DIP2C: variants seen among roughly 807,000 people sequenced by gnomAD.
The protein encoded by DIP2C is disco-interacting protein 2 homolog C.
Under a neutral mutation model 192.4 loss-of-function variants are expected in DIP2C, and 33 were observed. The ratio of observed to expected loss-of-function variants is 0.17; its 90% CI spans 0.13 to 0.23. The LOEUF is 0.23. Ranked by LOEUF, DIP2C falls within the 10% of genes least tolerant of loss-of-function variation. DIP2C has a pLI of 1.00. For synonymous variants in DIP2C, 979 were observed against 864.1 expected (o/e 1.13, Z -2.33); for missense variants, 1,537 against 2,110.1 (o/e 0.73, Z 5.32).
chr10:460,811 T>G (rs933574396), intron 3 of DIP2C, among the ~76,000 whole-genome samples: 3 of 152,026 alleles, frequency 2.0e-5, no homozygotes, highest in Non-Finnish European at 4.4e-5. Flanking sequence ...GAGAGAAAGG[T>G]AGGGTTACCC....
At position 374,830 on chromosome 10, in the gene DIP2C, A is replaced by G. The variant is rs567317837; in HGVS notation, c.1992-5197T>C. ...ATAGGCAGAATTCGAGGGGGTTTAA[A>G]AAACATCCACCTTAATAATCAATAT... is the stretch of plus-strand genomic sequence containing the variant. On this transcript the variant is annotated intron_variant, in intron 17 of 36. Transcript: ENST00000280886. Among the ~76,000 whole-genome samples, 30 of 152,346 alleles carry G rather than the reference A, an allele frequency of 2.0e-4. No homozygotes were observed. The South Asian group carries it at 3.7e-3, about 19-fold the overall frequency.
In DIP2C at chr10:358,131, C is replaced by T. The variant is rs1589597714; in HGVS notation, c.2795-194G>A. ...GAGTGTAACAAGCCTTGGTCAGGTT[C>T]TTCAGAAACGATGTTTTTATCATCC... On this transcript the variant is annotated intron_variant, in intron 22 of 36. Coordinates refer to ENST00000280886, the MANE Select transcript of DIP2C (RefSeq NM_014974.3). 4.6e-5 allele frequency among the ~76,000 whole-genome samples: 7 copies of T among 152,286 alleles called. No individual in the cohort carries two copies. The East Asian group carries it at 1.4e-3, about 29-fold the overall frequency.
intron 29 of DIP2C, among the ~76,000 whole-genome samples, chr10:332,573 C>T (rs1234753213): frequency 6.6e-6 from 1 of 152,172 alleles, no homozygotes; most frequent in Non-Finnish European, 1.5e-5. Context: ...CTGCTATGGA[C>T]AAGACAAACC....
intron 1 of DIP2C, among the ~76,000 whole-genome samples, chr10:631,833 ATT>A (rs1350044570): frequency 6.6e-6 from 1 of 152,190 alleles, no homozygotes; most frequent in Non-Finnish European, 1.5e-5. Flanking sequence ...TGGCGAAGGC[ATT>A]TTCATATGTT....
At chr10:586,411 A>ACCACCAACCTCACG (rs967922840) in intron 1 of DIP2C, among the ~76,000 whole-genome samples, 8 of 152,050 alleles carry the variant, frequency 5.3e-5, no homozygotes, top group East Asian at 1.9e-4. Context: ...TTCCTCAGGG[A>ACCACCAACCTCACG]CCACCAACCT....
intron 7 of DIP2C, among the ~76,000 whole-genome samples, chr10:414,630 C>G (rs1260595217): frequency 6.6e-6 from 1 of 151,144 alleles, no homozygotes; most frequent in Non-Finnish European, 1.5e-5. Flanking sequence ...CCACTTCAGC[C>G]TCTGCTACAG....
In DIP2C at chr10:356,799, T is replaced by C. The variant is rs111247075; in HGVS notation, c.2905-293A>G. On this transcript the variant is annotated intron_variant, in intron 23 of 36. Transcript: ENST00000280886. ...TGCTGCACCCTGGTGTGAGAAGTTTTCTGAAAGTCTGCCCAAGGATGGGAA... is the reference window on the plus strand; with the variant it reads ...TGCTGCACCCTGGTGTGAGAAGTTTCCTGAAAGTCTGCCCAAGGATGGGAA... 3.3e-3 allele frequency among the ~76,000 whole-genome samples: 509 copies of C among 152,316 alleles called. 2 individuals are homozygous for C. Among genetic ancestry groups the C allele is most frequent in the African/African-American group, 0.012 (484 of 41,568 alleles).
intron 31 of DIP2C, among the ~76,000 whole-genome samples, chr10:316,966 T>TG (rs1183291735): frequency 6.6e-6 from 1 of 152,262 alleles, no homozygotes; most frequent in Non-Finnish European, 1.5e-5. Context: ...AGCTCTCTGA[T>TG]GGATCTTAGA....
chr10:447,032 A>C (rs1968285683), intron 3 of DIP2C, among the ~76,000 whole-genome samples: 1 of 152,230 alleles, frequency 6.6e-6, no homozygotes, highest in African/African-American at 2.4e-5. Flanking sequence ...AAGAAGAGTG[A>C]AAAGTGTGAG....
At chr10:606,217 A>C (rs1259812733) in intron 1 of DIP2C, among the ~76,000 whole-genome samples, 1 of 151,954 alleles carries the variant, frequency 6.6e-6, no homozygotes, top group Non-Finnish European at 1.5e-5. Flanking sequence ...GCCCAGCAGC[A>C]CCTGGCTCAT....
At chr10:493,061 C>T (rs1387587441) in intron 1 of DIP2C, among the ~76,000 whole-genome samples, 10 of 152,226 alleles carry the variant, frequency 6.6e-5, no homozygotes, top group Non-Finnish European at 1.2e-4. Context: ...TGAGGAGACT[C>T]CTGTCCTACT....
chr10:584,857 C>G (rs1196095282), intron 1 of DIP2C, among the ~76,000 whole-genome samples: 1 of 125,740 alleles, frequency 8.0e-6, no homozygotes. Context: ...CAGATAATCT[C>G]GGGGCCCACA....
intron 1 of DIP2C, among the ~76,000 whole-genome samples, chr10:542,599 A>T (rs1848059856): frequency 6.6e-6 from 1 of 152,204 alleles, no homozygotes; most frequent in Non-Finnish European, 1.5e-5. Context: ...CAACAATCGG[A>T]TTGGGGAATG....
chr10:672,258 G>A (rs1313681965), intron 1 of DIP2C, among the ~76,000 whole-genome samples: 1 of 144,344 alleles, frequency 6.9e-6, no homozygotes, highest in Non-Finnish European at 1.5e-5. Flanking sequence ...TGGAGGAAAC[G>A]CGCCACAGAG....
At chr10:590,141 C>A (rs1033736402) in intron 1 of DIP2C, among the ~76,000 whole-genome samples, 1 of 152,228 alleles carries the variant, frequency 6.6e-6, no homozygotes, top group African/African-American at 2.4e-5. Flanking sequence ...AGGCACGGAA[C>A]TGTGAAAACC....
intron 28 of DIP2C, among the ~76,000 whole-genome samples, chr10:342,349 A>G (rs961438176): frequency 2.6e-5 from 4 of 152,092 alleles, no homozygotes; most frequent in Admixed American, 2.0e-4. Context: ...TAGTAGAGAC[A>G]GGGTTTCCCC....
intron 1 of DIP2C, among the ~76,000 whole-genome samples, chr10:616,740 G>C (rs555963382): frequency 6.6e-6 from 1 of 152,336 alleles, no homozygotes; most frequent in South Asian, 2.1e-4. Flanking sequence ...CTTCCTCAAA[G>C]TACCCAGGCC....
At chr10:595,530 T>C (rs1162875412) in intron 1 of DIP2C, among the ~76,000 whole-genome samples, 1 of 152,156 alleles carries the variant, frequency 6.6e-6, no homozygotes, top group Non-Finnish European at 1.5e-5. Flanking sequence ...AACATCAATA[T>C]CCCACCAAGA....
intron 22 of DIP2C, among the ~76,000 whole-genome samples, chr10:361,927 G>C (rs181736090): frequency 2.0e-5 from 3 of 151,712 alleles, no homozygotes; most frequent in African/African-American, 7.3e-5. Context: ...ATAAAAACCA[G>C]GGACCGCGAG....
Sources: allele counts gnomAD v4.1 joint callset (sites outside exome capture counted in the v4.1 genomes callset), GRCh38; gene constraint gnomAD v4.1.1; transcripts MANE v1.5; gene names NCBI Gene and HGNC (gene_info 2026-07-23, HGNC 2026-07-21).